The following CAPN9 variants were observed in gnomAD, a reference collection of about 807,000 sequenced individuals.
The protein encoded by CAPN9 is calpain-9.
A neutral mutation model predicts 92.8 loss-of-function variants in CAPN9; 81 were observed. That is an observed-to-expected ratio of 0.87 (90% confidence interval 0.73 to 1.05). The LOEUF (loss-of-function observed/expected upper bound fraction) is 1.05. CAPN9 is among the 50% of genes least tolerant of loss of function. The pLI is 0.00. For synonymous variants in CAPN9, 304 were observed against 328.0 expected, an observed-to-expected ratio of 0.93 and a Z score of 0.79; for missense variants, 848 against 866.2, an observed-to-expected ratio of 0.98 and a Z score of 0.26.
intron 8 of CAPN9, among the ~76,000 whole-genome samples, chr1:230,778,444 C>T (rs1434263442): frequency 1.3e-5 from 2 of 152,192 alleles, no homozygotes; most frequent in Non-Finnish European, 2.9e-5. Context: ...AGCTCTCCAT[C>T]TTCTCAGAGT....
rs750828113 is a variant in CAPN9 at position 230,780,334 on chromosome 1, G to A, written c.1270G>A (p.Glu424Lys). ...NVLTIGYAIY[E>K]CPDKDEHLNK... Reference sequence around the variant, plus strand: ...GCTGACAATCGGCTATGCCATTTATGAGGTAGGTGGGAACCACACTGCATT... The same window carrying A: ...GCTGACAATCGGCTATGCCATTTATAAGGTAGGTGGGAACCACACTGCATT... The change falls in exon 10 of 20, where the codon GAG becomes AAG. Residue 424 changes from glutamate (E) to lysine (K), a missense_variant and splice_region_variant. Glu to Lys is a moderately conservative substitution (Grantham distance 56, BLOSUM62 1). Coordinates refer to ENST00000271971, the MANE Select transcript of CAPN9 (RefSeq NM_006615.3). 5 of 1,613,836 alleles carry A rather than the reference G, an allele frequency of 3.1e-6. No individual in the cohort carries two copies. Among genetic ancestry groups the A allele is most frequent in the East Asian group, 2.2e-5 (1 of 44,884 alleles).
chr1:230,797,131 T>C (rs1446753519), intron 18 of CAPN9, among the ~76,000 whole-genome samples: 1 of 152,190 alleles, frequency 6.6e-6, no homozygotes, highest in African/African-American at 2.4e-5. Context: ...TGACCAATTC[T>C]GTTAGAATCT....
At position 230,792,646 on chromosome 1, in the gene CAPN9, G is replaced by A. The variant is rs12135473; in HGVS notation, c.1791+152G>A. The A allele has an allele frequency of 6.6e-3, 5,077 of 767,158 alleles. 33 individuals are homozygous for A. The highest frequency in any genetic ancestry group is 8.8e-3 in the Non-Finnish European group (3,916 of 444,202). The allele number at this position is 767,158 out of a possible 1,614,324, so 47.5% of individuals were successfully genotyped here. A position where few individuals can be genotyped will look rare whatever the true frequency, so the allele number is the denominator to read the frequency against. The stretch of plus-strand genomic sequence containing the variant: ...GAAAACAGCATCATGCTATTCCGAT[G>A]CTTACGGGAGTACCACCGTGCTTCC... On this transcript the variant is annotated intron_variant, in intron 16 of 19. Transcript: ENST00000271971.
chr1:230,774,743 T>TC lies in CAPN9; in HGVS notation c.953+112_953+113insC, dbSNP rs1286384458. On this transcript the variant is annotated intron_variant, in intron 8 of 19. Transcript: ENST00000271971. ...TTCCTTTTTCTTTCTTTCTTTCTTT[T>TC]TTTTTTTTTTTTTTTGAGACGGAGT... 2.7e-5 allele frequency: 12 copies of TC among 444,562 alleles called. No individual in the cohort carries two copies. In the East Asian group the frequency reaches 4.1e-4, roughly 15 times the overall value. 27.5% of individuals were successfully genotyped at this position (444,562 alleles called of 1,614,324 possible).
chr1:230,757,574 C>G (rs182029150), intron 2 of CAPN9, among the ~76,000 whole-genome samples: 190 of 152,128 alleles, frequency 1.2e-3, no homozygotes, highest in Non-Finnish European at 2.1e-3. Context: ...TGATCTGTTG[C>G]CACCCACAAT....
chr1:230,800,824 C>A (rs189464258), intron 19 of CAPN9, among the ~76,000 whole-genome samples: 162 of 152,254 alleles, frequency 1.1e-3, no homozygotes, highest in Middle Eastern at 0.01. Flanking sequence ...TCTGAAGTAT[C>A]CATGTTTTAA....
intron 5 of CAPN9, 61 bp from the exon 6 acceptor site, chr1:230,769,119 G>T: frequency 7.3e-7 from 1 of 1,373,244 alleles, no homozygotes; most frequent in Non-Finnish European, 1.0e-6. Flanking sequence ...AGCTGGGTCT[G>T]ATCCAGCAGG....
Position 230,755,386 on chromosome 1 carries a change from A to C in CAPN9, c.263A>C (p.Asp88Ala). 6.2e-7 allele frequency: 1 copy of C among 1,608,744 alleles called. No individual in the cohort carries two copies. Among genetic ancestry groups the C allele is most frequent in the East Asian group, 2.3e-5 (1 of 44,400 alleles). ...EFILGGATRT[D>A]ICQGELGDCW... ...ATTCTTGGAGGGGCCACCAGGACTG[A>C]TATCTGCCAGGGAGAGCTGGGTGAG... is the stretch of plus-strand genomic sequence containing the variant. The change falls in exon 2 of 20, where the codon GAT becomes GCT. Residue 88 changes from aspartate to alanine, a missense_variant. Physicochemically the swap from Asp to Ala is moderately radical, Grantham distance 126. Transcript: ENST00000271971.
chr1:230,765,343 G>C (rs1468140675), intron 4 of CAPN9, among the ~76,000 whole-genome samples: 2 of 151,894 alleles, frequency 1.3e-5, no homozygotes, highest in East Asian at 3.9e-4. Context: ...CAACGAAATA[G>C]ACAAAGCAGT....
intron 13 of CAPN9, among the ~76,000 whole-genome samples, chr1:230,789,473 CAAAAAAAAAAAAAA>C (rs57738295): frequency 1.5e-4 from 10 of 66,282 alleles, no homozygotes; most frequent in Admixed American, 3.8e-4. Flanking sequence ...GACCCTGTAT[CAAAAAAAAAAAAAA>C]AAAAAAAAAA....
At chr1:230,757,734 A>AAC (rs1665341369) in intron 2 of CAPN9, among the ~76,000 whole-genome samples, 3 of 151,064 alleles carry the variant, frequency 2.0e-5, no homozygotes, top group African/African-American at 7.3e-5. Context: ...AAAAAAAAAA[A>AAC]ACTAGAACAC....
At chr1:230,782,270 A>G (rs1667274650) in intron 11 of CAPN9, among the ~76,000 whole-genome samples, 1 of 152,236 alleles carries the variant, frequency 6.6e-6, no homozygotes, top group Admixed American at 6.5e-5. Context: ...GGTAACAAAA[A>G]TTCACACTGA....
At chr1:230,757,002 G>A (rs368224781) in intron 2 of CAPN9, among the ~76,000 whole-genome samples, 15 of 118,542 alleles carry the variant, frequency 1.3e-4, no homozygotes, top group East Asian at 7.0e-4. Context: ...GGAAGGGAGG[G>A]AGGGAGGATG....
At chr1:230,768,540 A>AT (rs1235367704) in intron 5 of CAPN9, among the ~76,000 whole-genome samples, 13 of 109,730 alleles carry the variant, frequency 1.2e-4, no homozygotes, top group Admixed American at 6.5e-4. Context: ...GTTTTCTGAA[A>AT]TTTGTTTTTT....
intron 11 of CAPN9, among the ~76,000 whole-genome samples, chr1:230,781,058 G>A (rs901191903): frequency 5.3e-5 from 8 of 151,680 alleles, no homozygotes; most frequent in Non-Finnish European, 1.2e-4. Context: ...TAGTAGAGAC[G>A]GGGTTTCACC....
intron 19 of CAPN9, among the ~76,000 whole-genome samples, chr1:230,800,475 G>C (rs1478861985): frequency 6.6e-6 from 1 of 152,090 alleles, no homozygotes; most frequent in Admixed American, 6.5e-5. Flanking sequence ...CTAGTCAAAG[G>C]CTCCAGAGCA....
At chr1:230,775,381 G>A (rs541999588) in intron 8 of CAPN9, among the ~76,000 whole-genome samples, 8 of 152,236 alleles carry the variant, frequency 5.3e-5, no homozygotes, top group African/African-American at 1.9e-4. Context: ...ATCGACCTAC[G>A]TAGGAAGTAA....
chr1:230,774,478 C>T, intron 7 of CAPN9, 76 bp from the exon 8 acceptor site: 1 of 966,490 alleles, frequency 1.0e-6, no homozygotes, highest in Non-Finnish European at 1.7e-6. Flanking sequence ...TAACCGCACA[C>T]TGTGGGTTCC....
At position 230,767,583 on chromosome 1, in the gene CAPN9, C is replaced by T. The variant is rs372361365; in HGVS notation, c.579C>T (p.Ile193=). The change falls in exon 5 of 20, where the codon ATC becomes ATT. Residue 193 remains isoleucine (I), a synonymous_variant. Transcript: ENST00000271971. ...AAGCTCTGAAGGGAGGCAGCGCCAT[C>T]GAGGCCATGGAAGACTTCACTGGGG... ...SYEALKGGSA[I]EAMEDFTGGV... is the part of the protein sequence containing the mutation. 19 of 1,613,386 alleles carry T rather than the reference C, an allele frequency of 1.2e-5. No individual in the cohort carries two copies. The African/African-American group carries it at 1.5e-4, about 12-fold the overall frequency.
Sources: gnomAD v4.1 joint callset for allele counts (sites outside exome capture counted in the v4.1 genomes callset) on GRCh38, gnomAD v4.1.1 for gene constraint, MANE v1.5 for transcripts, NCBI Gene and HGNC (gene_info 2026-07-23, HGNC 2026-07-21) for gene names.